PPP2R2B: variants seen among roughly 807,000 people sequenced by gnomAD.
The protein encoded by PPP2R2B is protein phosphatase 2 regulatory subunit Bbeta.
A neutral mutation model predicts 46.0 loss-of-function variants in PPP2R2B; 5 were observed. The observed-to-expected ratio is 0.11, with a 90% CI of 0.06 to 0.23. PPP2R2B has a LOEUF of 0.23. PPP2R2B is among the 10% of genes least tolerant of loss of function. The pLI is 1.00. For missense variants in PPP2R2B, 367 were observed against 575.0 expected (o/e 0.64, Z 3.70); for synonymous variants, 215 against 206.7 (o/e 1.04, Z -0.34).
In PPP2R2B at chr5:147,006,950, C is replaced by A. The variant is rs186023849; in HGVS notation, c.79+48715G>T. 3.5e-3 allele frequency among the ~76,000 whole-genome samples: 536 copies of A among 152,282 alleles called. 6 individuals are homozygous for A. Among genetic ancestry groups the A allele is most frequent in the African/African-American group, 0.012 (498 of 41,552 alleles). ...TCTTATACCATCCTCTGGAGTTGGG[C>A]AACATGGCTTCTCCCCTTTCTAGGT... On this transcript the variant is annotated intron_variant, in intron 1 of 8. Coordinates refer to the PPP2R2B transcript ENST00000336640.
intron 2 of PPP2R2B, among the ~76,000 whole-genome samples, chr5:146,732,407 A>G (rs1752286314): frequency 6.6e-6 from 1 of 152,196 alleles, no homozygotes; most frequent in Non-Finnish European, 1.5e-5. Context: ...CCACAGAGCA[A>G]GTGAAAACCA....
At chr5:146,963,033 T>G (rs1752245578) in intron 1 of PPP2R2B, among the ~76,000 whole-genome samples, 1 of 152,178 alleles carries the variant, frequency 6.6e-6, no homozygotes, top group Non-Finnish European at 1.5e-5. Context: ...GATGATGCAA[T>G]TCAACAAGAA....
At chr5:146,982,237 G>A (rs114891556) in intron 1 of PPP2R2B, among the ~76,000 whole-genome samples, 1 of 152,028 alleles carries the variant, frequency 6.6e-6, no homozygotes, top group African/African-American at 2.4e-5. Flanking sequence ...TTGTTGCCAG[G>A]TCCCACAATT....
chr5:146,783,570 TG>T (rs1418463574), intron 2 of PPP2R2B, among the ~76,000 whole-genome samples: 3 of 152,352 alleles, frequency 2.0e-5, no homozygotes, highest in Non-Finnish European at 4.4e-5. Context: ...TTAAACATCA[TG>T]CTATTTTAAA....
intron 1 of PPP2R2B, among the ~76,000 whole-genome samples, chr5:147,015,817 A>T (rs933823156): frequency 6.6e-6 from 1 of 150,984 alleles, no homozygotes; most frequent in African/African-American, 2.4e-5. Context: ...GTTTACTTGC[A>T]GTATGATTAT....
At chr5:147,027,516 C>G (rs1755580503) in intron 1 of PPP2R2B, among the ~76,000 whole-genome samples, 2 of 151,870 alleles carry the variant, frequency 1.3e-5, no homozygotes, top group Admixed American at 1.3e-4. Flanking sequence ...GCCTGCAATC[C>G]CAGCTACTTT....
intron 2 of PPP2R2B, among the ~76,000 whole-genome samples, chr5:147,063,437 T>G (rs889914717): frequency 1.3e-5 from 2 of 152,258 alleles, no homozygotes; most frequent in African/African-American, 4.8e-5. Context: ...ATTTGGGCTA[T>G]GCACTTATTA....
intron 1 of PPP2R2B, among the ~76,000 whole-genome samples, chr5:147,024,660 A>G (rs750245750): frequency 1.3e-5 from 2 of 152,160 alleles, no homozygotes; most frequent in African/African-American, 2.4e-5. Flanking sequence ...ATTAATAACA[A>G]AAATAGAGCT....
intron 1 of PPP2R2B, among the ~76,000 whole-genome samples, chr5:146,895,483 C>T (rs981695844): frequency 4.6e-5 from 7 of 152,188 alleles, no homozygotes; most frequent in Admixed American, 6.5e-5. Flanking sequence ...AGTACTGACA[C>T]ACAAAAGTTT....
At chr5:146,683,224 C>T (rs992346812) in intron 5 of PPP2R2B, among the ~76,000 whole-genome samples, 1 of 152,172 alleles carries the variant, frequency 6.6e-6, no homozygotes, top group East Asian at 1.9e-4. Flanking sequence ...CACCTGTGCC[C>T]AAGGCACCAG....
At chr5:146,826,750 A>G (rs143669339) in intron 2 of PPP2R2B, among the ~76,000 whole-genome samples, 30 of 152,264 alleles carry the variant, frequency 2.0e-4, no homozygotes, top group African/African-American at 7.2e-4. Flanking sequence ...CCATTCTTAA[A>G]GATCCAGTTG....
intron 7 of PPP2R2B, among the ~76,000 whole-genome samples, chr5:146,619,449 C>T (rs1581730084): frequency 6.6e-6 from 1 of 152,140 alleles, no homozygotes; most frequent in Non-Finnish European, 1.5e-5. Flanking sequence ...AAGCAAGACT[C>T]TCTCAAAAAC....
intron 7 of PPP2R2B, among the ~76,000 whole-genome samples, chr5:146,633,025 T>C (rs944287019): frequency 1.3e-5 from 2 of 152,088 alleles, no homozygotes; most frequent in African/African-American, 4.8e-5. Context: ...CCGATACTCA[T>C]GCGTGGAAAG....
chr5:146,690,014 C>CAAAT (rs1778742927), intron 5 of PPP2R2B, among the ~76,000 whole-genome samples: 1 of 152,170 alleles, frequency 6.6e-6, no homozygotes, highest in African/African-American at 2.4e-5. Context: ...AATTATTAAA[C>CAAAT]AAATAAACAA....
At chr5:146,635,601 T>C (rs1774763474) in intron 7 of PPP2R2B, among the ~76,000 whole-genome samples, 1 of 152,202 alleles carries the variant, frequency 6.6e-6, no homozygotes, top group Admixed American at 6.5e-5. Context: ...GCCTCCACCC[T>C]GGGTTGGTGG....
At chr5:146,632,251 A>G (rs915651672) in intron 7 of PPP2R2B, among the ~76,000 whole-genome samples, 1 of 152,174 alleles carries the variant, frequency 6.6e-6, no homozygotes, top group Non-Finnish European at 1.5e-5. Context: ...GGCAGTGTAA[A>G]GACACAGGGA....
chr5:146,808,986 T>TGC (rs1757360785), intron 2 of PPP2R2B, among the ~76,000 whole-genome samples: 2 of 150,774 alleles, frequency 1.3e-5, no homozygotes, highest in African/African-American at 4.9e-5. Context: ...TGTGTGTGTG[T>TGC]GTGTGTGTGC....
rs754980124 is a variant in PPP2R2B at position 146,945,064 on chromosome 5, G to T, written c.79+110601C>A. 4.8e-4 allele frequency among the ~76,000 whole-genome samples: 73 copies of T among 152,096 alleles called. 1 individual carries two copies. Among genetic ancestry groups the T allele is most frequent in the Non-Finnish European group, 1.3e-4 (9 of 68,026 alleles). On this transcript the variant is annotated intron_variant, in intron 1 of 8. Coordinates refer to the PPP2R2B transcript ENST00000336640. ...TCTAGTATACGTTAGCCATAGTTGG[G>T]GAATTATTTTTCAAATTAGGCCAAC...
At chr5:146,805,959 C>A (rs759478658) in intron 2 of PPP2R2B, among the ~76,000 whole-genome samples, 11 of 152,160 alleles carry the variant, frequency 7.2e-5, no homozygotes, top group Non-Finnish European at 1.2e-4. Context: ...AGAAAAGTGT[C>A]AAATCCCTAC....
Sources: allele counts gnomAD v4.1 joint callset (sites outside exome capture counted in the v4.1 genomes callset), GRCh38; gene constraint gnomAD v4.1.1; transcripts MANE v1.5; gene names NCBI Gene and HGNC (gene_info 2026-07-23, HGNC 2026-07-21).